Variants in AGAP1 observed in about 807,000 individuals in gnomAD.
AGAP1 encodes arf-GAP with GTPase, ANK repeat and PH domain-containing protein 1.
A neutral mutation model predicts 105.3 loss-of-function variants in AGAP1; 29 were observed. That is an observed-to-expected ratio of 0.28 (90% confidence interval 0.21 to 0.38). The LOEUF (loss-of-function observed/expected upper bound fraction) is 0.38. Ranked by LOEUF, AGAP1 falls within the 10% of genes least tolerant of loss-of-function variation. The pLI is 1.00. For missense variants in AGAP1, 998 were observed against 1,165.1 expected, an observed-to-expected ratio of 0.86 and a Z score of 2.09; for synonymous variants, 509 against 485.9, an observed-to-expected ratio of 1.05 and a Z score of -0.63.
intron 1 of AGAP1, among the ~76,000 whole-genome samples, chr2:235,502,068 G>A (rs1186399013): frequency 6.6e-6 from 1 of 150,946 alleles, no homozygotes; most frequent in Non-Finnish European, 1.5e-5. Context: ...CTTCTGAGGG[G>A]CTGAGGGGGA....
intron 12 of AGAP1, among the ~76,000 whole-genome samples, chr2:235,945,270 T>C (rs1488010697): frequency 6.6e-6 from 1 of 152,012 alleles, no homozygotes; most frequent in African/African-American, 2.4e-5. Flanking sequence ...CCGGCTAATT[T>C]TTTGTATTTT....
Position 235,741,905 on chromosome 2 carries a change from T to A in AGAP1, c.396+857T>A, listed in dbSNP as rs1463026072. ...AGTAGCTGGGACTACGGGCGCCTGC[T>A]ACCACGCCTGGCTAATTTTTTGTAT... On this transcript the variant is annotated intron_variant, in intron 4 of 17. Coordinates refer to ENST00000304032, the MANE Select transcript of AGAP1 (RefSeq NM_001037131.3). This position sits in a 1 kb window ranked among gnomAD's most constrained non-coding sequence, Gnocchi z 4.9. Among the ~76,000 whole-genome samples the A allele has an allele frequency of 6.6e-6, 1 of 151,850 alleles. No individual in the cohort carries two copies. Among genetic ancestry groups the A allele is most frequent in the Non-Finnish European group, 1.5e-5 (1 of 67,918 alleles).
chr2:235,635,873 G>A lies in AGAP1; in HGVS notation c.164-73306G>A, dbSNP rs1453140614. The stretch of plus-strand genomic sequence containing the variant: ...CTCATGCCTGTAATCCCAGCACTTT[G>A]GGAGGCTGAGGCAGGTGGATCTTGA... On this transcript the variant is annotated intron_variant, in intron 1 of 17. Coordinates refer to ENST00000304032, the MANE Select transcript of AGAP1 (RefSeq NM_001037131.3). This position sits in a 1 kb window ranked among gnomAD's most constrained non-coding sequence, Gnocchi z 5.3. Among the ~76,000 whole-genome samples the A allele has an allele frequency of 6.6e-6, 1 of 152,096 alleles. No homozygotes were observed. The highest frequency in any genetic ancestry group is 1.5e-5 in the Non-Finnish European group (1 of 68,040).
intron 6 of AGAP1, among the ~76,000 whole-genome samples, chr2:235,772,345 A>T (rs529429268): frequency 6.6e-6 from 1 of 152,288 alleles, no homozygotes; most frequent in East Asian, 1.9e-4. Flanking sequence ...CTGATGCTTT[A>T]TGACAGACCA....
rs1161961858 is a variant in AGAP1, at chr2:235,789,112, C to T, written c.674-8647C>T. Among the ~76,000 whole-genome samples, 1 of 152,204 alleles carries T rather than the reference C, an allele frequency of 6.6e-6. No homozygotes were observed. Among genetic ancestry groups the T allele is most frequent in the Non-Finnish European group, 1.5e-5 (1 of 68,040 alleles). Reference sequence around the variant, plus strand: ...GCAGCGTGATTTGAAGTCCCCTTTACCACAAATAACTACTTTATACCAGAA... The same window carrying T: ...GCAGCGTGATTTGAAGTCCCCTTTATCACAAATAACTACTTTATACCAGAA... On this transcript the variant is annotated intron_variant, in intron 6 of 17. Transcript: ENST00000304032. This position sits in a 1 kb window ranked among gnomAD's most constrained non-coding sequence, Gnocchi z 4.2.
At chr2:235,617,208 T>TA (rs1208485261) in intron 1 of AGAP1, among the ~76,000 whole-genome samples, 1 of 152,220 alleles carries the variant, frequency 6.6e-6, no homozygotes, top group East Asian at 1.9e-4. Flanking sequence ...GAACAGCAGT[T>TA]AAAATAATAA....
intron 1 of AGAP1, among the ~76,000 whole-genome samples, chr2:235,688,031 A>C (rs986802893): frequency 1.3e-5 from 2 of 151,268 alleles, no homozygotes; most frequent in African/African-American, 4.9e-5. Flanking sequence ...CCTCCAGAGT[A>C]GCTGGGATTA....
rs1376573992 is a variant in AGAP1, at chr2:236,105,590, C to G, written c.2115-14602C>G. On this transcript the variant is annotated intron_variant, in intron 16 of 17. Coordinates refer to ENST00000304032, the MANE Select transcript of AGAP1 (RefSeq NM_001037131.3). This position sits in a 1 kb window ranked among gnomAD's most constrained non-coding sequence, Gnocchi z 4.2. ...TTTTTTTTTGAGACACAGTCTCGCTCTGTCACCCAGGCTGCAGTGCAGTGG... is the reference window on the plus strand; with the variant it reads ...TTTTTTTTTGAGACACAGTCTCGCTGTGTCACCCAGGCTGCAGTGCAGTGG... Among the ~76,000 whole-genome samples, 1 of 130,718 alleles carries G rather than the reference C, an allele frequency of 7.7e-6. No individual in the cohort carries two copies. Among genetic ancestry groups the G allele is most frequent in the Non-Finnish European group, 1.5e-5 (1 of 64,810 alleles). The allele number at this position is 130,718 out of a possible 152,430, so 85.8% of individuals were successfully genotyped here.
In AGAP1 at chr2:235,859,768, G is replaced by C. The variant is rs189238804; in HGVS notation, c.1051-23577G>C. On this transcript the variant is annotated intron_variant, in intron 9 of 17. Transcript: ENST00000304032. ...GTTCTGAACTATTGTCTGAAAAGCCGTTGCCTGCCCTTCACAGCACTGTGT... is the reference window on the plus strand; with the variant it reads ...GTTCTGAACTATTGTCTGAAAAGCCCTTGCCTGCCCTTCACAGCACTGTGT... Among the ~76,000 whole-genome samples the C allele has an allele frequency of 3.3e-5, 5 of 152,144 alleles. No homozygotes were observed. In the South Asian group the frequency reaches 8.3e-4, roughly 25 times the overall value.
In AGAP1 at chr2:236,078,156, GTGTGTGTGTGTGTGTGTGTATATGTA is replaced by G. The variant is rs1213869288; in HGVS notation, c.2114+28887_2114+28912del. Among the ~76,000 whole-genome samples, 4 of 140,614 alleles carry G rather than the reference GTGTGTGTGTGTGTGTGTGTATATGTA, an allele frequency of 2.8e-5. No individual in the cohort carries two copies. Among genetic ancestry groups the G allele is most frequent in the African/African-American group, 8.9e-5 (3 of 33,866 alleles). The allele number at this position is 140,614 out of a possible 152,430, so 92.2% of individuals were successfully genotyped here. On this transcript the variant is annotated intron_variant, in intron 16 of 17. Coordinates refer to ENST00000304032, the MANE Select transcript of AGAP1 (RefSeq NM_001037131.3). The surrounding 1 kb of genome is among the most constrained non-coding windows in gnomAD (Gnocchi z 5.3). ...AGTGTGTAGGGCAGGCCAGCCGGGG[GTGTGTGTGTGTGTGTGTGTATATGTA>G]TGTGTGTGTGTCACATCTGAAGTGT...
rs1321817115 is a variant in AGAP1 at position 235,555,175 on chromosome 2, A to G, written c.163+60326A>G. ...TTCTTCTTTCCAGATGGATGTTTCTAAAGTCTTTCTTAAAGGAGCCAGAGG... is the reference window on the plus strand; with the variant it reads ...TTCTTCTTTCCAGATGGATGTTTCTGAAGTCTTTCTTAAAGGAGCCAGAGG... On this transcript the variant is annotated intron_variant, in intron 1 of 17. Transcript: ENST00000304032. This position sits in a 1 kb window ranked among gnomAD's most constrained non-coding sequence, Gnocchi z 5.1. 6.6e-6 allele frequency among the ~76,000 whole-genome samples: 1 copy of G among 152,086 alleles called. No homozygotes were observed. The highest frequency in any genetic ancestry group is 1.5e-5 in the Non-Finnish European group (1 of 68,024).
chr2:235,538,541 C>T (rs1400644882), intron 1 of AGAP1, among the ~76,000 whole-genome samples: 1 of 148,632 alleles, frequency 6.7e-6, no homozygotes, highest in Non-Finnish European at 1.5e-5. Flanking sequence ...GCACAGTTCT[C>T]TGCATAGGTT....
chr2:235,748,995 G>A (rs944414748), intron 5 of AGAP1, among the ~76,000 whole-genome samples: 14 of 152,294 alleles, frequency 9.2e-5, no homozygotes, highest in Non-Finnish European at 1.5e-4. Context: ...GATCACTTGA[G>A]GCCAGGAGTT....
At position 235,759,415 on chromosome 2, in the gene AGAP1, C is replaced by T. The variant is rs377591382; in HGVS notation, c.673+8927C>T. On this transcript the variant is annotated intron_variant, in intron 6 of 17. Coordinates refer to ENST00000304032, the MANE Select transcript of AGAP1 (RefSeq NM_001037131.3). ...TGATCTCCTGACCTCGTGATCCGCC[C>T]GCCTTGGCCTCCCAAAGTGCTGGGA... Among the ~76,000 whole-genome samples, 290 of 152,094 alleles carry T rather than the reference C, an allele frequency of 1.9e-3. 5 individuals are homozygous for T. The highest frequency in any genetic ancestry group is 6.8e-3 in the Middle Eastern group (2 of 294).
Position 235,620,675 on chromosome 2 carries a change from T to C in AGAP1, c.164-88504T>C, listed in dbSNP as rs537045295. On this transcript the variant is annotated intron_variant, in intron 1 of 17. Transcript: ENST00000304032. This position sits in a 1 kb window ranked among gnomAD's most constrained non-coding sequence, Gnocchi z 4.5. ...CCCCATAAACCCCAGCTCCCTGACA[T>C]GTCTGGTGTCTCTCTCTCCCCACTG... 3.3e-5 allele frequency among the ~76,000 whole-genome samples: 5 copies of C among 152,242 alleles called. No individual in the cohort carries two copies. The highest frequency in any genetic ancestry group is 7.2e-5 in the African/African-American group (3 of 41,550).
In AGAP1 at chr2:235,900,618, CTT is replaced by C. The variant is rs1248106839; in HGVS notation, c.1156-8118_1156-8117del. Among the ~76,000 whole-genome samples, 1 of 152,156 alleles carries C rather than the reference CTT, an allele frequency of 6.6e-6. No homozygotes were observed. The highest frequency in any genetic ancestry group is 1.5e-5 in the Non-Finnish European group (1 of 68,030). ...AGAGCATACACAGCCTTCTGGAGAACTTTGCCTCAGCCCTGCAAAGTATTGTC... is the reference window on the plus strand; with the variant it reads ...AGAGCATACACAGCCTTCTGGAGAACTGCCTCAGCCCTGCAAAGTATTGTC... On this transcript the variant is annotated intron_variant, in intron 10 of 17. Transcript: ENST00000304032. This position sits in a 1 kb window ranked among gnomAD's most constrained non-coding sequence, Gnocchi z 5.5.
intron 9 of AGAP1, among the ~76,000 whole-genome samples, chr2:235,836,562 C>T (rs920152164): frequency 6.6e-6 from 1 of 152,228 alleles, no homozygotes; most frequent in Non-Finnish European, 1.5e-5. Flanking sequence ...CTGCAAGGCG[C>T]TTAGCCGGGA....
rs1450682631 is a variant in AGAP1 at position 235,659,704 on chromosome 2, T to G, written c.164-49475T>G. Among the ~76,000 whole-genome samples the G allele has an allele frequency of 6.6e-6, 1 of 152,174 alleles. No individual in the cohort carries two copies. On this transcript the variant is annotated intron_variant, in intron 1 of 17. Coordinates refer to ENST00000304032, the MANE Select transcript of AGAP1 (RefSeq NM_001037131.3). The surrounding 1 kb of genome is among the most constrained non-coding windows in gnomAD (Gnocchi z 5.0). The stretch of plus-strand genomic sequence containing the variant: ...CAATTATTATCCTCTCTGTAAACAG[T>G]TCTCAGTTATTCCAAGTATTCTATT...
intron 6 of AGAP1, among the ~76,000 whole-genome samples, chr2:235,791,103 G>A (rs569175650): frequency 2.8e-4 from 42 of 152,326 alleles, no homozygotes; most frequent in African/African-American, 9.4e-4. Context: ...TAGGAGATGG[G>A]CTTGAATTAT....
Sources: gnomAD v4.1 joint callset for allele counts (sites outside exome capture counted in the v4.1 genomes callset) on GRCh38, gnomAD v4.1.1 for gene constraint, Gnocchi (gnomAD v3.1) non-coding constraint, MANE v1.5 for transcripts, NCBI Gene and HGNC (gene_info 2026-07-23, HGNC 2026-07-21) for gene names.